CCDC28A: variants seen among roughly 807,000 people sequenced by gnomAD.
CCDC28A encodes coiled-coil domain containing 28A, also known as coiled-coil domain-containing protein 28A.
CCDC28A carries 24 observed loss-of-function variants against 22.1 expected under a neutral mutation model. That is an observed-to-expected ratio of 1.09 (90% CI 0.79 to 1.53). CCDC28A has a LOEUF of 1.53. Ranked by LOEUF, CCDC28A falls within the 40% of genes most tolerant of loss-of-function variation. The pLI, the probability that CCDC28A is intolerant of heterozygous loss-of-function variation, is 0.00. For synonymous variants in CCDC28A, 83 were observed against 74.7 expected (o/e 1.11, Z -0.57); for missense variants, 170 against 210.7 (o/e 0.81, Z 1.20).
rs1774989328 is a variant in CCDC28A, at chr6:138,779,845, C to T, written c.182C>T (p.Pro61Leu). 1.9e-6 allele frequency: 3 copies of T among 1,612,740 alleles called. No homozygotes were observed. Among genetic ancestry groups the T allele is most frequent in the Non-Finnish European group, 2.5e-6 (3 of 1,179,370 alleles). ...AGAGTGATGAAAGAAAAGACCAAAC[C>T]TCAGGGTGGAGAGGGCAAAGGCGCT... is the stretch of plus-strand genomic sequence containing the variant. Reference protein sequence around the residue: ...LKRVMKEKTKPQGGEGKGAQS... With the variant: ...LKRVMKEKTKLQGGEGKGAQS... The change falls in exon 3 of 6, where the codon CCT (proline) becomes CTT (leucine). Residue 61 changes from proline to leucine, a missense_variant. Transcript: ENST00000617445.
At chr6:138,788,589 TTTC>T (rs1248749092) in intron 5 of CCDC28A, among the ~76,000 whole-genome samples, 4 of 134,718 alleles carry the variant, frequency 3.0e-5, no homozygotes, top group Non-Finnish European at 4.7e-5. Context: ...TTTTTTTTTT[TTTC>T]AGAGACAGGG....
Position 138,782,098 on chromosome 6 carries a change from A to G in CCDC28A, c.322+2113A>G, listed in dbSNP as rs375344817. On this transcript the variant is annotated intron_variant, in intron 3 of 5. Coordinates refer to ENST00000617445, the MANE Select transcript of CCDC28A (RefSeq NM_015439.3). ...TCCCTTCTTCCCTCCTACCCTTGAG[A>G]TGTAATCTTTGGACCACTTCCACGT... 1.2e-3 allele frequency among the ~76,000 whole-genome samples: 186 copies of G among 152,068 alleles called. 1 individual carries two copies. The highest frequency in any genetic ancestry group is 4.0e-3 in the African/African-American group (166 of 41,490).
chr6:138,774,936 T>TTTTTGTTTTGTTTTGTTTTG lies in CCDC28A; in HGVS notation c.-43+1049_-43+1068dup, dbSNP rs369968469. ...GCACAAATAAAGTATGGAAGGGGTT[T>TTTTTGTTTTGTTTTGTTTTG]TTTTGTTTTGTTTTGTTTTGTTTTG... is the stretch of plus-strand genomic sequence containing the variant. On this transcript the variant is annotated intron_variant, in intron 1 of 5. Transcript: ENST00000617445. Among the ~76,000 whole-genome samples, 726 of 151,982 alleles carry TTTTTGTTTTGTTTTGTTTTG rather than the reference T, an allele frequency of 4.8e-3. 3 individuals are homozygous for TTTTTGTTTTGTTTTGTTTTG. The highest frequency in any genetic ancestry group is 7.4e-3 in the Non-Finnish European group (502 of 67,958).
chr6:138,776,262 C>G lies in CCDC28A; in HGVS notation c.142C>G (p.Arg48Gly). The G allele has an allele frequency of 6.2e-7, 1 of 1,612,942 alleles. No homozygotes were observed. The highest frequency in any genetic ancestry group is 8.5e-7 in the Non-Finnish European group (1 of 1,178,990). ...SNPASQSTSQRPKLKRVMKEK... is the reference protein window; with the variant it reads ...SNPASQSTSQGPKLKRVMKEK... ...TCCTGCATCACAGTCAACTTCACAG[C>G]GACCAAAGTTAAAAAGGTGAATTCT... is the stretch of plus-strand genomic sequence containing the variant. Residue 48 changes from arginine to glycine, a missense_variant, in exon 2 of 6, where the codon CGA becomes GGA. Transcript: ENST00000617445.
At chr6:138,779,050 G>A (rs1382668541) in intron 2 of CCDC28A, among the ~76,000 whole-genome samples, 1 of 152,200 alleles carries the variant, frequency 6.6e-6, no homozygotes, top group African/African-American at 2.4e-5. Flanking sequence ...TTATAGGCAC[G>A]AGCCACTGTG....
At position 138,773,841 on chromosome 6, in the gene CCDC28A, C is replaced by T. The variant is rs1198422902; in HGVS notation, c.-104C>T. 2 of 1,614,000 alleles carry T rather than the reference C, an allele frequency of 1.2e-6. No individual in the cohort carries two copies. Among genetic ancestry groups the T allele is most frequent in the African/African-American group, 2.7e-5 (2 of 74,914 alleles). ...GCTCTGCTTGTGGCTGCGGCGGTGG[C>T]TTCTGAGGCTGTCGGGTCTTTGCGG... On this transcript the variant is annotated 5_prime_UTR_variant, in exon 1 of 6. Coordinates refer to ENST00000617445, the MANE Select transcript of CCDC28A (RefSeq NM_015439.3).
intron 2 of CCDC28A, among the ~76,000 whole-genome samples, chr6:138,779,456 A>G (rs920271728): frequency 2.6e-5 from 4 of 152,232 alleles, no homozygotes; most frequent in African/African-American, 7.2e-5. Flanking sequence ...AACTACTGAG[A>G]GTTCAAGGAA....
chr6:138,791,252 T>TG (rs1425746153), intron 5 of CCDC28A, among the ~76,000 whole-genome samples: 1 of 151,910 alleles, frequency 6.6e-6, no homozygotes, highest in Non-Finnish European at 1.5e-5. Flanking sequence ...AGCTATTTTT[T>TG]TTTTTGTTTT....
intron 3 of CCDC28A, among the ~76,000 whole-genome samples, chr6:138,784,491 G>C: frequency 6.6e-6 from 1 of 151,400 alleles, no homozygotes. Context: ...GCTGGGACCA[G>C]AGGCATGCAG....
chr6:138,790,084 C>G (rs1775148165), intron 5 of CCDC28A, among the ~76,000 whole-genome samples: 1 of 152,138 alleles, frequency 6.6e-6, no homozygotes, highest in Admixed American at 6.6e-5. Flanking sequence ...TCTCTTTCTT[C>G]CTTCAATGCT....
chr6:138,785,249 G>C lies in CCDC28A; in HGVS notation c.345G>C (p.Gln115His). ...AAGGAAATGAATGTTCCATTGAACAGATGGAACATGTTCGGGGAATGCAGG... is the reference window on the plus strand; with the variant it reads ...AAGGAAATGAATGTTCCATTGAACACATGGAACATGTTCGGGGAATGCAGG... ...QAFGNECSIE[Q>H]MEHVRGMQEK... Residue 115 changes from glutamine to histidine, a missense_variant, in exon 4 of 6, where the codon CAG (glutamine) becomes CAC (histidine). Gln to His is a conservative substitution (Grantham distance 24). Transcript: ENST00000617445. 1 of 1,612,904 alleles carries C rather than the reference G, an allele frequency of 6.2e-7. No individual in the cohort carries two copies. The highest frequency in any genetic ancestry group is 1.1e-5 in the South Asian group (1 of 91,040).
intron 1 of CCDC28A, among the ~76,000 whole-genome samples, chr6:138,775,217 G>T (rs887991774): frequency 2.0e-5 from 3 of 152,232 alleles, no homozygotes; most frequent in African/African-American, 7.2e-5. Flanking sequence ...GGGATTACAG[G>T]CGTGAGCCCG....
intron 5 of CCDC28A, among the ~76,000 whole-genome samples, chr6:138,788,840 G>A (rs1227391637): frequency 1.3e-5 from 2 of 151,982 alleles, no homozygotes; most frequent in East Asian, 1.9e-4. Context: ...GAATTTTTAA[G>A]ACAAATTATT....
At chr6:138,774,715 T>C (rs1258656672) in intron 1 of CCDC28A, among the ~76,000 whole-genome samples, 1 of 152,220 alleles carries the variant, frequency 6.6e-6, no homozygotes, top group Non-Finnish European at 1.5e-5. Flanking sequence ...ATTGAATTCA[T>C]CAAATAATTA....
chr6:138,792,422 T>A (rs1391338407), intron 5 of CCDC28A, among the ~76,000 whole-genome samples: 2 of 151,894 alleles, frequency 1.3e-5, no homozygotes, highest in Non-Finnish European at 2.9e-5. Context: ...TTTGGGAGGC[T>A]GAGGTGGGAG....
chr6:138,781,111 C>G (rs960773358), intron 3 of CCDC28A, among the ~76,000 whole-genome samples: 2 of 152,124 alleles, frequency 1.3e-5, no homozygotes, highest in African/African-American at 4.8e-5. Flanking sequence ...GTTAACAGTC[C>G]AGGTGTATAT....
chr6:138,791,411 T>A (rs1775167464), intron 5 of CCDC28A, among the ~76,000 whole-genome samples: 1 of 152,200 alleles, frequency 6.6e-6, no homozygotes, highest in South Asian at 2.1e-4. Flanking sequence ...ACAGTGTTGC[T>A]CTAAACTTTA....
At chr6:138,780,045 G>C in intron 3 of CCDC28A, 60 bp downstream of exon 3, 2 of 1,313,548 alleles carry the variant, frequency 1.5e-6, no homozygotes, top group Non-Finnish European at 2.1e-6. Flanking sequence ...CCTGTTTTCT[G>C]TGTGTATTTT....
At chr6:138,787,711 G>T (rs1406429638) in intron 4 of CCDC28A, among the ~76,000 whole-genome samples, 1 of 151,158 alleles carries the variant, frequency 6.6e-6, no homozygotes, top group South Asian at 2.1e-4. Context: ...TGATTTTTTT[G>T]TAGAGACAGG....
Sources: allele counts gnomAD v4.1 joint callset (sites outside exome capture counted in the v4.1 genomes callset), GRCh38; gene constraint gnomAD v4.1.1; transcripts MANE v1.5; gene names NCBI Gene and HGNC (gene_info 2026-07-23, HGNC 2026-07-21).